ADIPOR2: variants seen among roughly 807,000 people sequenced by gnomAD.
The protein encoded by ADIPOR2 is adiponectin receptor 2, also known as adiponectin receptor protein 2.
Under a neutral mutation model 40.9 loss-of-function variants are expected in ADIPOR2, and 18 were observed. The ratio of observed to expected loss-of-function variants is 0.44; its 90% CI spans 0.30 to 0.65. ADIPOR2 has a LOEUF of 0.65. Among genes scored for constraint, ADIPOR2 ranks in the 30% least tolerant of loss-of-function variants. The pLI is 0.09. For missense variants in ADIPOR2, 283 were observed against 479.2 expected, an observed-to-expected ratio of 0.59 and a Z score of 3.82; for synonymous variants, 165 against 166.4, an observed-to-expected ratio of 0.99 and a Z score of 0.06.
intron 1 of ADIPOR2, among the ~76,000 whole-genome samples, chr12:1,743,507 C>CA (rs1490969333): frequency 6.6e-6 from 1 of 151,722 alleles, no homozygotes; most frequent in South Asian, 2.1e-4. Context: ...TCCAGTGCTA[C>CA]AAAAAATTAA....
intron 3 of ADIPOR2, among the ~76,000 whole-genome samples, chr12:1,773,381 A>G (rs1023992423): frequency 3.3e-5 from 5 of 152,198 alleles, no homozygotes; most frequent in African/African-American, 1.2e-4. Flanking sequence ...TCTGTGAGTA[A>G]TCAGGCTACT....
intron 1 of ADIPOR2, among the ~76,000 whole-genome samples, chr12:1,702,038 C>T (rs1013616031): frequency 3.9e-5 from 6 of 152,128 alleles, no homozygotes; most frequent in African/African-American, 1.4e-4. Context: ...AGGAGAATCG[C>T]TTGAACCTGG....
intron 1 of ADIPOR2, among the ~76,000 whole-genome samples, chr12:1,706,854 G>A (rs149544506): frequency 6.6e-6 from 1 of 152,286 alleles, no homozygotes; most frequent in East Asian, 1.9e-4. Context: ...GGCTGGGCAA[G>A]GTGGCTCATG....
intron 1 of ADIPOR2, among the ~76,000 whole-genome samples, chr12:1,752,230 C>CTTTTTTTTTTTTT (rs67598229): frequency 5.3e-5 from 4 of 74,866 alleles, no homozygotes; most frequent in African/African-American, 2.2e-4. Flanking sequence ...CTCCTGGCCT[C>CTTTTTTTTTTTTT]TTTTTTTTTT....
intron 1 of ADIPOR2, chr12:1,696,683 C>T (rs1283177138): frequency 6.6e-6 from 1 of 152,380 alleles, no homozygotes. Flanking sequence ...AGGCAGGAGC[C>T]ATTGTCCCTG....
intron 2 of ADIPOR2, among the ~76,000 whole-genome samples, chr12:1,769,231 C>T (rs756289735): frequency 8.5e-5 from 13 of 152,174 alleles, no homozygotes; most frequent in Non-Finnish European, 1.5e-4. Context: ...TCTTTCCAAG[C>T]CATCAGTATG....
intron 2 of ADIPOR2, among the ~76,000 whole-genome samples, chr12:1,759,963 T>C (rs1486599951): frequency 1.3e-5 from 2 of 151,610 alleles, no homozygotes; most frequent in Non-Finnish European, 2.9e-5. Flanking sequence ...GAGGTGGAGG[T>C]TGCAGTGAAC....
chr12:1,774,939 G>A (rs1337774248), intron 3 of ADIPOR2, among the ~76,000 whole-genome samples: 2 of 79,312 alleles, frequency 2.5e-5, no homozygotes, highest in Non-Finnish European at 5.4e-5. Flanking sequence ...TCCTGACCTC[G>A]TGATCTGCCC....
At position 1,739,531 on chromosome 12, in the gene ADIPOR2, A is replaced by G. The variant is rs564784432; in HGVS notation, c.-86-14727A>G. On this transcript the variant is annotated intron_variant, in intron 1 of 7. Transcript: ENST00000357103. The stretch of plus-strand genomic sequence containing the variant: ...TAATGTTTTGTGATAGATGAATGAA[A>G]ATTATATGAAATGGAAATCTCAGTG... Among the ~76,000 whole-genome samples, 14 of 152,320 alleles carry G rather than the reference A, an allele frequency of 9.2e-5. No individual in the cohort carries two copies. The South Asian group carries it at 1.9e-3, about 20-fold the overall frequency.
chr12:1,703,191 TATACGTTGTG>T (rs1378436714), intron 1 of ADIPOR2, among the ~76,000 whole-genome samples: 7 of 152,244 alleles, frequency 4.6e-5, no homozygotes, highest in Admixed American at 3.9e-4. Flanking sequence ...AAGCTAGAGC[TATACGTTGTG>T]ACATGAAAAT....
intron 1 of ADIPOR2, among the ~76,000 whole-genome samples, chr12:1,748,171 C>A (rs995485364): frequency 1.3e-5 from 2 of 151,738 alleles, no homozygotes; most frequent in African/African-American, 4.8e-5. Context: ...TTATTTGGTT[C>A]TTTTTTGTAG....
At chr12:1,735,709 T>C (rs573591761) in intron 1 of ADIPOR2, among the ~76,000 whole-genome samples, 107 of 152,346 alleles carry the variant, frequency 7.0e-4, no homozygotes, top group African/African-American at 2.4e-3. Context: ...TTTTGCCCAT[T>C]CAGTATGATA....
chr12:1,749,775 T>C (rs1473531362), intron 1 of ADIPOR2, among the ~76,000 whole-genome samples: 1 of 152,126 alleles, frequency 6.6e-6, no homozygotes, highest in African/African-American at 2.4e-5. Context: ...AGAATTGACA[T>C]CTTTACTGAG....
At chr12:1,743,504 C>T (rs1264083894) in intron 1 of ADIPOR2, among the ~76,000 whole-genome samples, 1 of 151,886 alleles carries the variant, frequency 6.6e-6, no homozygotes, top group Admixed American at 6.6e-5. Flanking sequence ...GACTCCAGTG[C>T]TACAAAAAAT....
chr12:1,695,761 A>G (rs1414440668), intron 1 of ADIPOR2: 2 of 151,930 alleles, frequency 1.3e-5, no homozygotes, highest in African/African-American at 4.8e-5. Flanking sequence ...TTCTAATGTA[A>G]ACATTCTTGA....
chr12:1,721,245 T>C (rs891681991), intron 1 of ADIPOR2, among the ~76,000 whole-genome samples: 8 of 121,112 alleles, frequency 6.6e-5, no homozygotes, highest in Non-Finnish European at 9.7e-5. Context: ...TGAGGTGGAG[T>C]CTCACTGTCA....
intron 1 of ADIPOR2, among the ~76,000 whole-genome samples, chr12:1,747,174 C>T (rs1462487374): frequency 6.6e-6 from 1 of 152,020 alleles, no homozygotes; most frequent in Admixed American, 6.6e-5. Context: ...TTCTCAAGTG[C>T]ACATAGAACA....
intron 1 of ADIPOR2, among the ~76,000 whole-genome samples, chr12:1,747,157 G>C (rs904305987): frequency 2.0e-5 from 3 of 151,402 alleles, no homozygotes; most frequent in Non-Finnish European, 4.4e-5. Context: ...CCACTCAGTA[G>C]CTATTTTTCT....
At chr12:1,768,428 C>T (rs1035618201) in intron 2 of ADIPOR2, among the ~76,000 whole-genome samples, 2 of 152,094 alleles carry the variant, frequency 1.3e-5, no homozygotes, top group Admixed American at 1.3e-4. Context: ...TCATGTTTAT[C>T]TTTGAACTAG....
Sources: allele counts gnomAD v4.1 joint callset (sites outside exome capture counted in the v4.1 genomes callset), GRCh38; gene constraint gnomAD v4.1.1; transcripts MANE v1.5; gene names NCBI Gene and HGNC (gene_info 2026-07-23, HGNC 2026-07-21).